SHB: variants seen among roughly 807,000 people sequenced by gnomAD.
SHB encodes the protein SH2 domain containing adaptor protein B.
In SHB, 20 loss-of-function variants were observed where a neutral mutation model predicts 52.3. The ratio of observed to expected loss-of-function variants is 0.38; its 90% CI spans 0.27 to 0.56. The LOEUF is 0.56. SHB is among the 20% of genes least tolerant of loss of function. SHB has a pLI of 0.71. For missense variants in SHB, 825 were observed against 723.3 expected, an observed-to-expected ratio of 1.14 and a Z score of -1.61; for synonymous variants, 397 against 316.5, an observed-to-expected ratio of 1.25 and a Z score of -2.70.
chr9:38,038,335 C>T (rs1297395022), intron 1 of SHB, among the ~76,000 whole-genome samples: 2 of 152,214 alleles, frequency 1.3e-5, no homozygotes, highest in Non-Finnish European at 2.9e-5. Flanking sequence ...CAACACTCTC[C>T]ACGTGTGCAC....
At chr9:38,006,862 C>T (rs1388887579) in intron 2 of SHB, among the ~76,000 whole-genome samples, 1 of 152,350 alleles carries the variant, frequency 6.6e-6, no homozygotes, top group South Asian at 2.1e-4. Context: ...TCCCCCTTAT[C>T]CCCAGAAGAC....
chr9:37,964,580 T>C (rs1011799235), intron 3 of SHB, among the ~76,000 whole-genome samples: 3 of 152,092 alleles, frequency 2.0e-5, no homozygotes, highest in African/African-American at 7.2e-5. Flanking sequence ...ATTATGCAGA[T>C]GGGAAATGGA....
intron 4 of SHB, among the ~76,000 whole-genome samples, chr9:37,952,190 G>A (rs1056114448): frequency 1.1e-4 from 17 of 152,218 alleles, no homozygotes; most frequent in African/African-American, 2.7e-4. Context: ...AGTGACAAGG[G>A]TTATGCAGGC....
chr9:37,966,011 T>C (rs1456070157), intron 3 of SHB, among the ~76,000 whole-genome samples: 1 of 152,148 alleles, frequency 6.6e-6, no homozygotes, highest in African/African-American at 2.4e-5. Context: ...AGTAGAGACC[T>C]GGATTCAAGT....
At chr9:37,935,117 T>C (rs762929583) in intron 5 of SHB, among the ~76,000 whole-genome samples, 1 of 152,246 alleles carries the variant, frequency 6.6e-6, no homozygotes, top group Non-Finnish European at 1.5e-5. Flanking sequence ...GTTATGCGAA[T>C]ATTTGGAGAC....
chr9:38,022,659 A>C (rs1821295704), intron 1 of SHB, among the ~76,000 whole-genome samples: 1 of 152,204 alleles, frequency 6.6e-6, no homozygotes, highest in South Asian at 2.1e-4. Flanking sequence ...CCTGATGTCC[A>C]CAGGAAGGAG....
At chr9:38,051,826 G>C (rs1821754660) in intron 1 of SHB, among the ~76,000 whole-genome samples, 1 of 152,196 alleles carries the variant, frequency 6.6e-6, no homozygotes, top group Non-Finnish European at 1.5e-5. Flanking sequence ...GTAAGGAATT[G>C]TCCAGGGATC....
At chr9:38,046,683 C>T (rs561982755) in intron 1 of SHB, among the ~76,000 whole-genome samples, 6 of 152,322 alleles carry the variant, frequency 3.9e-5, no homozygotes, top group East Asian at 1.9e-4. Context: ...GCCTCTAACA[C>T]GGAAGGAATT....
chr9:38,054,880 G>C (rs903585754), intron 1 of SHB, among the ~76,000 whole-genome samples: 1 of 152,228 alleles, frequency 6.6e-6, no homozygotes, highest in Admixed American at 6.5e-5. Flanking sequence ...CGGACAAAAG[G>C]TAACAAATCT....
intron 2 of SHB, among the ~76,000 whole-genome samples, chr9:37,992,166 CGAGGTGG>C (rs1820889896): frequency 6.6e-6 from 1 of 152,078 alleles, no homozygotes; most frequent in African/African-American, 2.4e-5. Context: ...TTTGAGAGGC[CGAGGTGG>C]GAGGGTCACC....
Position 38,068,026 on chromosome 9 carries a change from C to T in SHB, c.620G>A (p.Gly207Asp). ...GDPLGGACAG[G>D]RTWSPTACGG... is the part of the protein sequence containing the mutation. ...GCAGGCCGTCGGGCTCCAGGTGCGG[C>T]CGCCCGCGCAGGCGCCCCCCAGGGG... The change falls in exon 1 of 6, where the codon GGC becomes GAC. Residue 207 changes from glycine to aspartate, a missense_variant. Transcript: ENST00000377707. 1 of 1,510,032 alleles carries T rather than the reference C, an allele frequency of 6.6e-7. No individual in the cohort carries two copies. The highest frequency in any genetic ancestry group is 8.8e-7 in the Non-Finnish European group (1 of 1,137,382). The allele number at this position is 1,510,032 out of a possible 1,614,324, so 93.5% of individuals were successfully genotyped here. A position where few individuals can be genotyped will look rare whatever the true frequency, so the allele number is the denominator to read the frequency against.
intron 2 of SHB, among the ~76,000 whole-genome samples, chr9:37,980,485 T>C (rs1421567777): frequency 2.6e-5 from 4 of 152,242 alleles, no homozygotes; most frequent in African/African-American, 4.8e-5. Flanking sequence ...GTTATTTTCA[T>C]CATATTTGCA....
chr9:37,998,389 A>G (rs1257962664), intron 2 of SHB, among the ~76,000 whole-genome samples: 1 of 152,094 alleles, frequency 6.6e-6, no homozygotes, highest in Non-Finnish European at 1.5e-5. Context: ...GGCCAGATAC[A>G]TGGTCTCTGC....
At chr9:37,952,821 C>T (rs1564086836) in intron 4 of SHB, among the ~76,000 whole-genome samples, 1 of 151,870 alleles carries the variant, frequency 6.6e-6, no homozygotes, top group African/African-American at 2.4e-5. Flanking sequence ...GGGCAAGTTT[C>T]GAGGAGAAGA....
At chr9:38,024,796 C>G (rs1821320951) in intron 1 of SHB, among the ~76,000 whole-genome samples, 1 of 152,164 alleles carries the variant, frequency 6.6e-6, no homozygotes, top group African/African-American at 2.4e-5. Context: ...GCACATCCCT[C>G]CTGAGGACAA....
At chr9:38,067,489 A>T (rs1821985670) in intron 1 of SHB, among the ~76,000 whole-genome samples, 1 of 152,132 alleles carries the variant, frequency 6.6e-6, no homozygotes, top group Non-Finnish European at 1.5e-5. Flanking sequence ...CCACCAAGAA[A>T]GCTGTGTAAT....
At chr9:37,963,159 C>G (rs1032244220) in intron 3 of SHB, among the ~76,000 whole-genome samples, 1 of 152,138 alleles carries the variant, frequency 6.6e-6, no homozygotes, top group Non-Finnish European at 1.5e-5. Flanking sequence ...ACCAAGGGTG[C>G]GGGCAGTGGC....
chr9:37,921,342 T>C (rs936317860), intron 5 of SHB, among the ~76,000 whole-genome samples: 3 of 152,222 alleles, frequency 2.0e-5, no homozygotes, highest in Non-Finnish European at 4.4e-5. Context: ...ACAGGGGCTC[T>C]CAGGGCTTGA....
chr9:38,045,412 T>C (rs1587261716), intron 1 of SHB, among the ~76,000 whole-genome samples: 1 of 151,356 alleles, frequency 6.6e-6, no homozygotes. Flanking sequence ...ACCAGCTTGG[T>C]CAACATGGTG....
Sources: gnomAD v4.1 joint callset for allele counts (sites outside exome capture counted in the v4.1 genomes callset) on GRCh38, gnomAD v4.1.1 for gene constraint, MANE v1.5 for transcripts, NCBI Gene and HGNC (gene_info 2026-07-23, HGNC 2026-07-21) for gene names.